DTNBP1: variants seen among roughly 807,000 people sequenced by gnomAD.
The protein encoded by DTNBP1 is dystrobrevin binding protein 1.
DTNBP1 carries 35 observed loss-of-function variants against 42.8 expected under a neutral mutation model. The observed-to-expected ratio is 0.82, with a 90% CI of 0.63 to 1.09. The LOEUF (loss-of-function observed/expected upper bound fraction) is 1.09, where lower values mean the gene tolerates loss of function less well. Ranked by LOEUF, DTNBP1 falls within the 50% of genes least tolerant of loss-of-function variation. DTNBP1 has a pLI of 0.00. For missense variants in DTNBP1, 457 were observed against 424.2 expected, an observed-to-expected ratio of 1.08 and a Z score of -0.68; for synonymous variants, 171 against 162.2, an observed-to-expected ratio of 1.05 and a Z score of -0.41.
At chr6:15,659,882 C>G (rs936992929) in intron 1 of DTNBP1, among the ~76,000 whole-genome samples, 4 of 152,122 alleles carry the variant, frequency 2.6e-5, no homozygotes, top group African/African-American at 9.7e-5. Flanking sequence ...GTTGCCCAGT[C>G]TTGAACTCCT....
At chr6:15,535,545 T>TAC (rs1773175569) in intron 7 of DTNBP1, among the ~76,000 whole-genome samples, 1 of 152,144 alleles carries the variant, frequency 6.6e-6, no homozygotes, top group Non-Finnish European at 1.5e-5. Context: ...CTCAAACTCC[T>TAC]ACCTCAAGTG....
chr6:15,588,792 T>C (rs1776179646), intron 7 of DTNBP1, among the ~76,000 whole-genome samples: 1 of 152,234 alleles, frequency 6.6e-6, no homozygotes, highest in Admixed American at 6.5e-5. Context: ...TATGCATCTT[T>C]ACAACTGTTC....
chr6:15,524,918 A>G (rs1235392720), intron 8 of DTNBP1, among the ~76,000 whole-genome samples: 1 of 152,218 alleles, frequency 6.6e-6, no homozygotes, highest in Non-Finnish European at 1.5e-5. Flanking sequence ...GGGACGCTGA[A>G]GACTAATCTC....
At chr6:15,572,818 A>G (rs1581342195) in intron 7 of DTNBP1, among the ~76,000 whole-genome samples, 1 of 151,844 alleles carries the variant, frequency 6.6e-6, no homozygotes, top group Admixed American at 6.6e-5. Context: ...TGCACCTTCA[A>G]CCTCCCTGAC....
chr6:15,571,068 T>G (rs1775319058), intron 7 of DTNBP1, among the ~76,000 whole-genome samples: 1 of 152,142 alleles, frequency 6.6e-6, no homozygotes, highest in South Asian at 2.1e-4. Context: ...TTGTTAGAGG[T>G]ATACATGAGA....
intron 6 of DTNBP1, chr6:15,614,929 G>C (rs1043466152): frequency 5.1e-6 from 2 of 391,672 alleles, no homozygotes; most frequent in Non-Finnish European, 9.7e-6. Flanking sequence ...TAGTAATGGA[G>C]GAGAAGAGCA....
rs114825334 is a variant in DTNBP1, at chr6:15,562,617, T to C, written c.512-29222A>G. ...TGCTGTGTCTAGGCTATTAAGACTA[T>C]CTTTTTCTGGTAAGGAAAACTCAAT... On this transcript the variant is annotated intron_variant, in intron 7 of 9. Coordinates refer to ENST00000344537, the MANE Select transcript of DTNBP1 (RefSeq NM_032122.5). 5.3e-3 allele frequency among the ~76,000 whole-genome samples: 801 copies of C among 152,326 alleles called. 11 individuals carry two copies. The highest frequency in any genetic ancestry group is 0.018 in the African/African-American group (760 of 41,588).
chr6:15,659,260 A>G (rs1316959719), intron 1 of DTNBP1, among the ~76,000 whole-genome samples: 5 of 152,250 alleles, frequency 3.3e-5, no homozygotes, highest in Non-Finnish European at 5.9e-5. Context: ...GAGTTTTCAG[A>G]AAGTGAAAAT....
chr6:15,604,142 T>C (rs1025348942), intron 6 of DTNBP1, among the ~76,000 whole-genome samples: 1 of 152,212 alleles, frequency 6.6e-6, no homozygotes, highest in Non-Finnish European at 1.5e-5. Flanking sequence ...TCGGGTACCA[T>C]CACATCTCTT....
chr6:15,622,938 T>C (rs558283528), intron 5 of DTNBP1, among the ~76,000 whole-genome samples: 53 of 152,340 alleles, frequency 3.5e-4, no homozygotes, highest in African/African-American at 1.3e-3. Context: ...TAATTAGCCT[T>C]ATGGAACAAA....
intron 1 of DTNBP1, chr6:15,660,321 T>C (rs751260781): frequency 1.7e-4 from 213 of 1,282,414 alleles, no homozygotes; most frequent in Non-Finnish European, 2.1e-4. Context: ...GTAAAGGAGG[T>C]TGATCTCAAG....
At chr6:15,621,229 T>A (rs542451894) in intron 5 of DTNBP1, among the ~76,000 whole-genome samples, 2 of 152,388 alleles carry the variant, frequency 1.3e-5, no homozygotes, top group East Asian at 3.9e-4. Flanking sequence ...AACTATGTAA[T>A]GGAGCCAACA....
At chr6:15,550,036 T>C (rs1400466580) in intron 7 of DTNBP1, among the ~76,000 whole-genome samples, 2 of 152,204 alleles carry the variant, frequency 1.3e-5, no homozygotes, top group Admixed American at 1.3e-4. Context: ...ACCTGACTAC[T>C]GATACCTGCA....
At chr6:15,637,648 T>C in intron 4 of DTNBP1, 96 bp downstream of exon 4, 1 of 1,358,628 alleles carries the variant, frequency 7.4e-7, no homozygotes, top group Non-Finnish European at 1.0e-6. Context: ...GCAAAACATT[T>C]TGACACAAAC....
At chr6:15,547,470 T>G (rs1395445916) in intron 7 of DTNBP1, among the ~76,000 whole-genome samples, 1 of 152,202 alleles carries the variant, frequency 6.6e-6, no homozygotes, top group Non-Finnish European at 1.5e-5. Context: ...TCATTTACAT[T>G]TTGACCTTGT....
intron 7 of DTNBP1, among the ~76,000 whole-genome samples, chr6:15,576,001 T>C (rs1775546938): frequency 6.6e-6 from 1 of 152,234 alleles, no homozygotes; most frequent in Non-Finnish European, 1.5e-5. Flanking sequence ...GGATGACTTT[T>C]GTCTACTATG....
At chr6:15,601,262 T>C (rs1776716437) in intron 6 of DTNBP1, among the ~76,000 whole-genome samples, 2 of 152,226 alleles carry the variant, frequency 1.3e-5, no homozygotes, top group Admixed American at 1.3e-4. Flanking sequence ...TATTATACAA[T>C]GTTGATGCAA....
chr6:15,557,706 G>GA (rs1315261476), intron 7 of DTNBP1, among the ~76,000 whole-genome samples: 1 of 152,046 alleles, frequency 6.6e-6, no homozygotes, highest in South Asian at 2.1e-4. Context: ...AAAGAGGCAG[G>GA]AAAAAAGAGA....
chr6:15,600,168 C>T (rs527456275), intron 6 of DTNBP1, among the ~76,000 whole-genome samples: 1 of 152,236 alleles, frequency 6.6e-6, no homozygotes, highest in East Asian at 1.9e-4. Context: ...CGCAGAGAAG[C>T]AAGGTCCTTT....
Sources: gnomAD v4.1 joint callset for allele counts (sites outside exome capture counted in the v4.1 genomes callset) on GRCh38, gnomAD v4.1.1 for gene constraint, MANE v1.5 for transcripts, NCBI Gene and HGNC (gene_info 2026-07-23, HGNC 2026-07-21) for gene names.